The following DOP1A variants were observed in gnomAD, a reference collection of about 807,000 sequenced individuals.
The protein encoded by DOP1A is protein DOP1A.
DOP1A carries 90 observed loss-of-function variants against 267.6 expected under a neutral mutation model. The observed-to-expected ratio is 0.34, with a 90% CI of 0.28 to 0.40. The LOEUF is 0.40. DOP1A is among the 10% of genes least tolerant of loss of function. DOP1A has a pLI of 1.00. For missense variants in DOP1A, 2,437 were observed against 2,900.4 expected, an observed-to-expected ratio of 0.84 and a Z score of 3.67; for synonymous variants, 932 against 999.1, an observed-to-expected ratio of 0.93 and a Z score of 1.27.
At chr6:83,080,204 CA>C (rs1767849362) in intron 1 of DOP1A, among the ~76,000 whole-genome samples, 1 of 151,900 alleles carries the variant, frequency 6.6e-6, no homozygotes, top group South Asian at 2.1e-4. Context: ...TTAGGAAAAA[CA>C]AAACATTAGA....
rs921119106 is a variant in DOP1A, at chr6:83,162,785, C to T, written c.6963-5C>T. ...CTGATGCTGATGTCATTATTCTATA[C>T]ATAGGTACCGATGGGCCTTTATTCC... is the stretch of plus-strand genomic sequence containing the variant. On this transcript the variant is annotated splice_region_variant and splice_polypyrimidine_tract_variant and intron_variant, in intron 37 of 38. Coordinates refer to ENST00000349129, the MANE Select transcript of DOP1A (RefSeq NM_015018.4). 6.2e-7 allele frequency: 1 copy of T among 1,610,280 alleles called. No homozygotes were observed. The highest frequency in any genetic ancestry group is 8.5e-7 in the Non-Finnish European group (1 of 1,178,068).
chr6:83,103,319 C>T (rs73483025), intron 4 of DOP1A, among the ~76,000 whole-genome samples: 2,403 of 152,254 alleles, frequency 0.016, 78 homozygotes, highest in African/African-American at 0.054. Context: ...ATACAGTGGA[C>T]TTTGGGGACC....
At chr6:83,161,130 C>A in intron 37 of DOP1A, 1 of 152,116 alleles carries the variant, frequency 6.6e-6, no homozygotes, top group South Asian at 2.1e-4. Context: ...AAAGTGATAA[C>A]TATTCTGTGG....
rs1461464280 is a variant in DOP1A, at chr6:83,168,125, G to A, written c.7356G>A (p.Glu2452=). Residue 2452 remains glutamate, a synonymous_variant, in exon 39 of 39, where the codon GAG becomes GAA. Transcript: ENST00000349129. The part of the protein sequence containing the change: ...CSSKARQKIE[E]MVEKDFLEGM... Reference sequence around the variant, plus strand: ...GCAAAGCCAGGCAAAAAATAGAAGAGATGGTAGAAAAAGATTTTCTGGAAG... The same window carrying A: ...GCAAAGCCAGGCAAAAAATAGAAGAAATGGTAGAAAAAGATTTTCTGGAAG... 6.2e-7 allele frequency: 1 copy of A among 1,613,316 alleles called. No individual in the cohort carries two copies. Among genetic ancestry groups the A allele is most frequent in the South Asian group, 1.1e-5 (1 of 90,902 alleles).
intron 15 of DOP1A, among the ~76,000 whole-genome samples, chr6:83,126,468 C>T (rs1777174504): frequency 6.6e-6 from 1 of 152,028 alleles, no homozygotes; most frequent in South Asian, 2.1e-4. Flanking sequence ...TGCTGGCTAT[C>T]CAGTGGTGAG....
intron 3 of DOP1A, among the ~76,000 whole-genome samples, chr6:83,098,099 G>A (rs1771841322): frequency 6.6e-6 from 1 of 151,708 alleles, no homozygotes; most frequent in African/African-American, 2.4e-5. Context: ...TGACCAGGGT[G>A]GTCTTGAACT....
At chr6:83,170,734 G>A (rs553317682), downstream of DOP1A, 4 of 350,288 alleles carry the variant, frequency 1.1e-5, no homozygotes, top group East Asian at 9.2e-5. Flanking sequence ...CAGTAAATAC[G>A]ATATGACTAA....
At chr6:83,129,554 A>G in intron 16 of DOP1A, 46 bp downstream of exon 16, 2 of 1,389,426 alleles carry the variant, frequency 1.4e-6, no homozygotes, top group South Asian at 2.1e-5. Context: ...TGTCTGTAGT[A>G]TGTTTTTTCT....
intron 35 of DOP1A, among the ~76,000 whole-genome samples, chr6:83,157,882 G>A (rs984590586): frequency 3.9e-5 from 6 of 152,156 alleles, no homozygotes; most frequent in African/African-American, 1.4e-4. Context: ...TCCTCAGAAT[G>A]ATTTGGGGAG....
intron 38 of DOP1A, chr6:83,164,610 A>C: frequency 6.6e-7 from 1 of 1,522,952 alleles, no homozygotes; most frequent in Non-Finnish European, 8.9e-7. Flanking sequence ...ATGGCCAAGC[A>C]TACTTTTCAC....
At chr6:83,131,099 T>G (rs1777945900) in intron 17 of DOP1A, among the ~76,000 whole-genome samples, 1 of 152,192 alleles carries the variant, frequency 6.6e-6, no homozygotes, top group African/African-American at 2.4e-5. Flanking sequence ...CTCTTCATAT[T>G]GTCTCATTAT....
intron 3 of DOP1A, 42 bp from the exon 4 acceptor site, chr6:83,100,663 A>C: frequency 7.7e-7 from 1 of 1,306,266 alleles, no homozygotes; most frequent in Non-Finnish European, 1.0e-6. Flanking sequence ...AATGAATGCA[A>C]TATTTTGTTT....
chr6:83,119,464 CATAAT>C lies in DOP1A; in HGVS notation c.881-279_881-275del, dbSNP rs559296914. ...CTCTTTACTGCCTAGAGTGAGGGGA[CATAAT>C]ATAACTTATTGTGGATGTTCTGAGT... On this transcript the variant is annotated intron_variant, in intron 8 of 38. Coordinates refer to ENST00000349129, the MANE Select transcript of DOP1A (RefSeq NM_015018.4). Among the ~76,000 whole-genome samples, 11 of 152,116 alleles carry C rather than the reference CATAAT, an allele frequency of 7.2e-5. No homozygotes were observed. The South Asian group carries it at 2.3e-3, about 32-fold the overall frequency.
Position 83,072,312 on chromosome 6 carries a change from C to CA in DOP1A, c.-147+4545dup, listed in dbSNP as rs1036570587. 3.0e-3 allele frequency among the ~76,000 whole-genome samples: 425 copies of CA among 141,434 alleles called. 1 individual carries two copies. Among genetic ancestry groups the CA allele is most frequent in the African/African-American group, 8.0e-3 (308 of 38,606 alleles). 92.8% of individuals were successfully genotyped at this position (141,434 alleles called of 152,430 possible). On this transcript the variant is annotated intron_variant, in intron 1 of 38. Coordinates refer to ENST00000349129, the MANE Select transcript of DOP1A (RefSeq NM_015018.4). Reference sequence around the variant, plus strand: ...CCTTTCATTTGGTGTTAACGGTTTCCAAAAAAAAAAAATTAACCTGAGTGG... The same window carrying CA: ...CCTTTCATTTGGTGTTAACGGTTTCCAAAAAAAAAAAAATTAACCTGAGTGG...
At chr6:83,123,019 T>A (rs756061778) in intron 12 of DOP1A, 37 bp downstream of exon 12, 2 of 1,564,922 alleles carry the variant, frequency 1.3e-6, no homozygotes, top group South Asian at 2.5e-5. Flanking sequence ...TTTCGTAACA[T>A]CTAAAGCTAA....
chr6:83,080,022 A>G (rs190932674), intron 1 of DOP1A, among the ~76,000 whole-genome samples: 3 of 152,256 alleles, frequency 2.0e-5, no homozygotes, highest in Admixed American at 2.0e-4. Flanking sequence ...CTTCCAAACT[A>G]TTAATAAAAG....
Position 83,138,283 on chromosome 6 carries a change from C to T in DOP1A, c.4241C>T (p.Pro1414Leu), listed in dbSNP as rs770312317. 20 of 1,612,736 alleles carry T rather than the reference C, an allele frequency of 1.2e-5. No individual in the cohort carries two copies. Among genetic ancestry groups the T allele is most frequent in the Admixed American group, 6.7e-5 (4 of 59,966 alleles). Reference protein sequence around the residue: ...STTSVNNAYTPQLSLLQNLLA... With the variant: ...STTSVNNAYTLQLSLLQNLLA... The stretch of plus-strand genomic sequence containing the variant: ...ACTAGTGTAAATAATGCATATACTC[C>T]TCAGTTGTCTCTCCTTCAGAATCTA... The change falls in exon 21 of 39, where the codon CCT (proline) becomes CTT (leucine). Residue 1414 changes from proline to leucine, a missense_variant. Physicochemically the swap from Pro to Leu is moderately conservative, Grantham distance 98. This residue lies in a region of DOP1A where 878 missense variants were observed against 992.9 expected (regional missense o/e 0.88). Coordinates refer to ENST00000349129, the MANE Select transcript of DOP1A (RefSeq NM_015018.4).
chr6:83,094,918 TTTTTAA>T (rs1314336265), intron 1 of DOP1A, among the ~76,000 whole-genome samples: 3 of 152,136 alleles, frequency 2.0e-5, no homozygotes, highest in Non-Finnish European at 4.4e-5. Context: ...GTGTTTTTGG[TTTTTAA>T]TTTTATTTTA....
intron 3 of DOP1A, among the ~76,000 whole-genome samples, chr6:83,097,925 G>C (rs910154735): frequency 2.7e-5 from 4 of 150,564 alleles, no homozygotes; most frequent in African/African-American, 9.8e-5. Context: ...ATGAGACAAG[G>C]TCTTACTCTT....
Sources: allele counts gnomAD v4.1 joint callset (sites outside exome capture counted in the v4.1 genomes callset), GRCh38; gene constraint gnomAD v4.1.1; regional missense constraint gnomAD v4.1.1; transcripts MANE v1.5; gene names NCBI Gene and HGNC (gene_info 2026-07-23, HGNC 2026-07-21).